Variants in SAXO4 observed in about 807,000 individuals in gnomAD.
SAXO4 encodes protein phosphatase 1 regulatory subunit 32.
chr11:61,482,525 TG>T, the SAXO4 span: 2 of 1,557,714 alleles, frequency 1.3e-6, no homozygotes, highest in Non-Finnish European at 1.8e-6. Context: ...TGCCCTAGGC[TG>T]GGGGTCCTGG....
chr11:61,489,679 G>A, the SAXO4 span: 1 of 1,216,664 alleles, frequency 8.2e-7, no homozygotes, highest in Non-Finnish European at 1.2e-6. Flanking sequence ...CATGAGCAAA[G>A]GTGGGGAGGC....
chr11:61,490,185 G>A, the SAXO4 span, among the ~76,000 whole-genome samples: 2 of 152,258 alleles, frequency 1.3e-5, no homozygotes, highest in African/African-American at 4.8e-5. Flanking sequence ...CCCCAGGCCC[G>A]GTGGACTGGA....
chr11:61,489,811 A>C, the SAXO4 span: 12 of 1,613,750 alleles, frequency 7.4e-6, no homozygotes, highest in African/African-American at 1.5e-4. Flanking sequence ...AAGGGTCTAG[A>C]CCAGGAAGGC....
At chr11:61,489,461 T>A in the SAXO4 span, 555 of 554,624 alleles carry the variant, frequency 1.0e-3, 4 homozygotes, top group African/African-American at 9.1e-3. Flanking sequence ...GAAATGGAAA[T>A]GAAATGGAAG....
the SAXO4 span, chr11:61,489,571 C>G: frequency 1.6e-6 from 1 of 613,590 alleles, no homozygotes; most frequent in Non-Finnish European, 2.9e-6. Context: ...CTTTAACACT[C>G]CAAAGAGTGT....
chr11:61,485,329 C>T, the SAXO4 span: 2 of 1,613,680 alleles, frequency 1.2e-6, no homozygotes, highest in African/African-American at 1.3e-5. Context: ...TCCAACCTCT[C>T]TGTTCCAGGG....
the SAXO4 span, chr11:61,485,456 C>A: frequency 6.6e-7 from 1 of 1,510,884 alleles, no homozygotes; most frequent in Non-Finnish European, 9.1e-7. Flanking sequence ...CACCTCCCTA[C>A]TTGCTACCCC....
chr11:61,484,352 C>T, the SAXO4 span, among the ~76,000 whole-genome samples: 1 of 152,290 alleles, frequency 6.6e-6, no homozygotes, highest in East Asian at 1.9e-4. Flanking sequence ...TGAGGGAGGC[C>T]AGCTCCTCCA....
At chr11:61,482,940 AT>A in the SAXO4 span, 2 of 929,696 alleles carry the variant, frequency 2.2e-6, no homozygotes, top group Non-Finnish European at 3.1e-6. Flanking sequence ...GGGTCCACTC[AT>A]CTTTCTCCCC....
the SAXO4 span, chr11:61,487,013 G>A: frequency 1.2e-6 from 2 of 1,614,144 alleles, no homozygotes; most frequent in Non-Finnish European, 1.7e-6. Flanking sequence ...TTCATCGGAT[G>A]CAACAGACAA....
chr11:61,487,324 T>C, the SAXO4 span: 1 of 1,187,970 alleles, frequency 8.4e-7, no homozygotes, highest in Non-Finnish European at 1.2e-6. Flanking sequence ...CACAGCCTCG[T>C]GGAGAAGATC....
the SAXO4 span, chr11:61,490,564 C>T: frequency 6.2e-7 from 1 of 1,613,964 alleles, no homozygotes; most frequent in Non-Finnish European, 8.5e-7. Flanking sequence ...GCGTGGCACA[C>T]AGCTGAGCCC....
chr11:61,489,549 A>G, the SAXO4 span: 1 of 593,762 alleles, frequency 1.7e-6, no homozygotes, highest in Non-Finnish European at 3.0e-6. Context: ...CAGGGGCATC[A>G]CTGAAACTGT....
At chr11:61,484,627 G>A in the SAXO4 span, 1 of 1,595,242 alleles carries the variant, frequency 6.3e-7, no homozygotes, top group Non-Finnish European at 8.5e-7. Flanking sequence ...GTCAAGGGCA[G>A]AAGCAGAGTC....
the SAXO4 span, chr11:61,481,723 C>G: frequency 1.5e-6 from 1 of 684,070 alleles, no homozygotes; most frequent in Non-Finnish European, 2.3e-6. Context: ...AGATCTTCGC[C>G]CCTGTGGGCT....
At chr11:61,485,884 G>T in the SAXO4 span, 3 of 1,613,656 alleles carry the variant, frequency 1.9e-6, no homozygotes, top group African/African-American at 4.0e-5. Flanking sequence ...TCTTCCAACC[G>T]CCCTCACAGG....
the SAXO4 span, chr11:61,486,290 CA>C: frequency 6.3e-7 from 1 of 1,599,100 alleles, no homozygotes; most frequent in Non-Finnish European, 8.5e-7. Context: ...TGGGAGCCAC[CA>C]GGGGCCCAGG....
chr11:61,485,472 C>A, the SAXO4 span: 1 of 1,413,572 alleles, frequency 7.1e-7, no homozygotes, highest in South Asian at 1.2e-5. Context: ...ACCCCAGGGG[C>A]CCTGGAGCTG....
chr11:61,486,329 TG>T, the SAXO4 span: 1 of 1,613,004 alleles, frequency 6.2e-7, no homozygotes, highest in Non-Finnish European at 8.5e-7. Flanking sequence ...ACATCCTCTG[TG>T]GGCCTATTTC....
Sources: gnomAD v4.1 joint callset for allele counts (sites outside exome capture counted in the v4.1 genomes callset) on GRCh38, gnomAD v4.1.1 for gene constraint, MANE v1.5 for transcripts, NCBI Gene and HGNC (gene_info 2026-07-23, HGNC 2026-07-21) for gene names.